Variants in CMKLR1 observed in about 807,000 individuals in gnomAD.
CMKLR1 encodes chemerin-like receptor 1.
Under a neutral mutation model 8.2 loss-of-function variants are expected in CMKLR1, and 6 were observed. That is an observed-to-expected ratio of 0.73 (90% CI 0.40 to 1.44). The LOEUF (loss-of-function observed/expected upper bound fraction) is 1.44, where lower values mean the gene tolerates loss of function less well. CMKLR1 is among the 40% of genes most tolerant of loss of function. CMKLR1 has a pLI of 0.02. For missense variants in CMKLR1, 429 were observed against 478.0 expected (o/e 0.90, Z 0.96); for synonymous variants, 178 against 181.2 (o/e 0.98, Z 0.14).
chr12:108,338,723 C>T (rs1436613818), intron 1 of CMKLR1, among the ~76,000 whole-genome samples: 1 of 152,108 alleles, frequency 6.6e-6, no homozygotes, highest in Non-Finnish European at 1.5e-5. Flanking sequence ...GATAGCCTTT[C>T]TATGCAGCCA....
intron 2 of CMKLR1, among the ~76,000 whole-genome samples, chr12:108,294,071 A>G (rs987042360): frequency 1.3e-5 from 2 of 152,258 alleles, no homozygotes; most frequent in Middle Eastern, 3.2e-3. Context: ...GAGCACAGAG[A>G]AAACAGGAGA....
At chr12:108,302,868 G>T (rs1277217246) in intron 2 of CMKLR1, among the ~76,000 whole-genome samples, 1 of 152,216 alleles carries the variant, frequency 6.6e-6, no homozygotes, top group African/African-American at 2.4e-5. Flanking sequence ...ACTGGGAAAT[G>T]AGCACAGTGA....
chr12:108,318,484 C>G lies in CMKLR1; in HGVS notation c.-74+11511G>C, dbSNP rs116436531. 9.9e-3 allele frequency among the ~76,000 whole-genome samples: 1,507 copies of G among 152,304 alleles called. 27 individuals are homozygous for G. Among genetic ancestry groups the G allele is most frequent in the African/African-American group, 0.034 (1,399 of 41,544 alleles). On this transcript the variant is annotated intron_variant, in intron 2 of 3. Coordinates refer to ENST00000550402, the MANE Select transcript of CMKLR1 (RefSeq NM_001142343.2). The stretch of plus-strand genomic sequence containing the variant: ...TCCAACTCCCTGTCCTCAGTTTCCA[C>G]GTTTATCAAAGGGAAATGACAATTG...
chr12:108,330,716 CT>C (rs1892084909), intron 1 of CMKLR1, among the ~76,000 whole-genome samples: 1 of 152,212 alleles, frequency 6.6e-6, no homozygotes, highest in South Asian at 2.1e-4. Context: ...GGTAGCCCCT[CT>C]TGGGGCATAT....
intron 2 of CMKLR1, among the ~76,000 whole-genome samples, chr12:108,319,658 C>A (rs966975809): frequency 3.9e-5 from 6 of 152,028 alleles, no homozygotes; most frequent in Non-Finnish European, 8.8e-5. Flanking sequence ...TAATACCTGG[C>A]CCATGGTATG....
In CMKLR1 at chr12:108,330,146, A is replaced by T. The variant is rs1042798731; in HGVS notation, c.-225T>A. The T allele has an allele frequency of 9.9e-5, 15 of 152,282 alleles. No homozygotes were observed. The highest frequency in any genetic ancestry group is 5.9e-5 in the Non-Finnish European group (4 of 68,042). 9.4% of individuals were successfully genotyped at this position (152,282 alleles called of 1,614,324 possible). On this transcript the variant is annotated 5_prime_UTR_variant, in exon 2 of 4. An upstream start codon of the reference 5' UTR is lost. Transcript: ENST00000550402. ...CTAGATGCCATCAGCTTCTGCTATC[A>T]TTGTTGCAGAGCCCTGAGCCTCCTG...
chr12:108,310,181 G>GTGTA (rs1338960475), intron 2 of CMKLR1, among the ~76,000 whole-genome samples: 23 of 151,764 alleles, frequency 1.5e-4, no homozygotes, highest in African/African-American at 5.6e-4. Context: ...GTGTGTGTGT[G>GTGTA]TGTGTGTGTG....
intron 3 of CMKLR1, 92 bp downstream of exon 3, chr12:108,293,497 C>T: frequency 1.4e-6 from 2 of 1,394,680 alleles, no homozygotes; most frequent in Non-Finnish European, 2.0e-6. Context: ...CTTCTAAAAC[C>T]AAGTGGACAG....
intron 2 of CMKLR1, 42 bp from the exon 3 acceptor site, chr12:108,293,706 AG>A: frequency 1.7e-6 from 2 of 1,190,532 alleles, no homozygotes; most frequent in Non-Finnish European, 2.4e-6. Flanking sequence ...AATTGGATCC[AG>A]GTCTAAGAAC....
chr12:108,324,523 C>A lies in CMKLR1; in HGVS notation c.-74+5472G>T, dbSNP rs145973497. Among the ~76,000 whole-genome samples the A allele has an allele frequency of 7.3e-3, 1,113 of 152,226 alleles. 17 individuals carry two copies. The highest frequency in any genetic ancestry group is 0.025 in the African/African-American group (1,051 of 41,536). On this transcript the variant is annotated intron_variant, in intron 2 of 3. Coordinates refer to ENST00000550402, the MANE Select transcript of CMKLR1 (RefSeq NM_001142343.2). The stretch of plus-strand genomic sequence containing the variant: ...CAAGCAAGCCACGCAGACGGGAAGC[C>A]AGAGCACAGACGAGGCGCCTCTCCC...
At chr12:108,299,716 T>G (rs1485778928) in intron 2 of CMKLR1, among the ~76,000 whole-genome samples, 1 of 152,024 alleles carries the variant, frequency 6.6e-6, no homozygotes, top group Non-Finnish European at 1.5e-5. Context: ...GAGGCAGAGA[T>G]AGGAGGGATG....
chr12:108,310,762 C>T (rs1341374359), intron 2 of CMKLR1, among the ~76,000 whole-genome samples: 1 of 152,166 alleles, frequency 6.6e-6, no homozygotes, highest in Admixed American at 6.5e-5. Context: ...CATGATGCCA[C>T]AGATAAGCTA....
intron 2 of CMKLR1, among the ~76,000 whole-genome samples, chr12:108,319,077 C>T (rs1436771617): frequency 1.3e-5 from 2 of 152,192 alleles, no homozygotes; most frequent in Non-Finnish European, 2.9e-5. Context: ...CCTAGGGCCC[C>T]AAGGTGCTGA....
intron 1 of CMKLR1, among the ~76,000 whole-genome samples, chr12:108,337,995 C>T (rs1354057170): frequency 6.6e-6 from 1 of 152,114 alleles, no homozygotes; most frequent in Non-Finnish European, 1.5e-5. Context: ...TGAGGGCTTT[C>T]CCTAATAGAA....
At chr12:108,333,237 C>T (rs963754849) in intron 1 of CMKLR1, among the ~76,000 whole-genome samples, 1 of 68,870 alleles carries the variant, frequency 1.5e-5, no homozygotes. Flanking sequence ...TGTCCTATAC[C>T]CCAAGAAAGC....
chr12:108,334,731 T>G (rs562807965), intron 1 of CMKLR1, among the ~76,000 whole-genome samples: 10 of 152,278 alleles, frequency 6.6e-5, no homozygotes, highest in African/African-American at 2.4e-4. Context: ...TCAAATCCCA[T>G]TCTTTTGCTA....
chr12:108,328,904 A>G (rs374794375), intron 2 of CMKLR1, among the ~76,000 whole-genome samples: 69 of 152,258 alleles, frequency 4.5e-4, no homozygotes, highest in African/African-American at 1.6e-3. Flanking sequence ...ATTAAACCAA[A>G]AGGAAACACC....
chr12:108,295,596 T>C (rs1286626957), intron 2 of CMKLR1, among the ~76,000 whole-genome samples: 1 of 151,916 alleles, frequency 6.6e-6, no homozygotes, highest in Non-Finnish European at 1.5e-5. Context: ...AGCCTGGGAG[T>C]CTGAAGCTTC....
At chr12:108,333,549 AC>A (rs1892154991) in intron 1 of CMKLR1, among the ~76,000 whole-genome samples, 1 of 152,184 alleles carries the variant, frequency 6.6e-6, no homozygotes, top group African/African-American at 2.4e-5. Context: ...TGAACTGACC[AC>A]GTGCTGTACT....
Sources: gnomAD v4.1 joint callset for allele counts (sites outside exome capture counted in the v4.1 genomes callset) on GRCh38, gnomAD v4.1.1 for gene constraint, MANE v1.5 for transcripts, NCBI Gene and HGNC (gene_info 2026-07-23, HGNC 2026-07-21) for gene names.